OSBPL10: variants seen among roughly 807,000 people sequenced by gnomAD.
OSBPL10 encodes the protein oxysterol binding protein like 10.
Under a neutral mutation model 81.7 loss-of-function variants are expected in OSBPL10, and 49 were observed. The observed-to-expected ratio is 0.60, with a 90% CI of 0.48 to 0.76. The LOEUF (loss-of-function observed/expected upper bound fraction) is 0.76. OSBPL10 is among the 30% of genes least tolerant of loss of function. The pLI, the probability that OSBPL10 is intolerant of heterozygous loss-of-function variation, is 0.00. For synonymous variants in OSBPL10, 419 were observed against 383.6 expected, an observed-to-expected ratio of 1.09 and a Z score of -1.08; for missense variants, 923 against 987.8, an observed-to-expected ratio of 0.93 and a Z score of 0.88.
At chr3:31,883,477 T>C (rs570607034) in intron 1 of OSBPL10, among the ~76,000 whole-genome samples, 2 of 151,920 alleles carry the variant, frequency 1.3e-5, no homozygotes, top group East Asian at 3.9e-4. Flanking sequence ...TGACCTCAGG[T>C]GATCTGCCCA....
intron 3 of OSBPL10, among the ~76,000 whole-genome samples, chr3:31,863,423 C>T (rs994945261): frequency 1.3e-5 from 2 of 152,096 alleles, no homozygotes; most frequent in Non-Finnish European, 1.5e-5. Context: ...AAAAAGTAAA[C>T]TTTATGGTAT....
chr3:31,844,862 C>T (rs1287747581), intron 3 of OSBPL10, among the ~76,000 whole-genome samples: 4 of 152,126 alleles, frequency 2.6e-5, no homozygotes, highest in African/African-American at 9.7e-5. Flanking sequence ...TCACTAGTGG[C>T]TATGAGTTCA....
At chr3:31,933,893 G>A (rs1166007600) in intron 1 of OSBPL10, among the ~76,000 whole-genome samples, 1 of 151,972 alleles carries the variant, frequency 6.6e-6, no homozygotes, top group Non-Finnish European at 1.5e-5. Context: ...TTAATTTTGA[G>A]AGGAAAGAAG....
chr3:31,817,939 T>C (rs1301744051), intron 4 of OSBPL10, among the ~76,000 whole-genome samples: 3 of 152,126 alleles, frequency 2.0e-5, no homozygotes, highest in Non-Finnish European at 4.4e-5. Context: ...ACCATGTCTC[T>C]ACAAAAAATA....
At chr3:31,960,894 A>G (rs927994405) in intron 1 of OSBPL10, among the ~76,000 whole-genome samples, 25 of 152,124 alleles carry the variant, frequency 1.6e-4, no homozygotes, top group Non-Finnish European at 2.9e-5. Context: ...AAAAGGGAAA[A>G]TAGATTACAA....
intron 1 of OSBPL10, among the ~76,000 whole-genome samples, chr3:31,903,439 C>T (rs1696313344): frequency 6.6e-6 from 1 of 151,408 alleles, no homozygotes; most frequent in Admixed American, 6.6e-5. Context: ...AGCAAACCTT[C>T]CACCTCAGAC....
intron 1 of OSBPL10, among the ~76,000 whole-genome samples, chr3:31,898,280 G>C (rs530403351): frequency 2.0e-5 from 3 of 152,118 alleles, no homozygotes; most frequent in Non-Finnish European, 4.4e-5. Context: ...AATTTCAAAT[G>C]CCTCACCACA....
At chr3:31,698,412 T>C (rs542704561) in intron 7 of OSBPL10, among the ~76,000 whole-genome samples, 53 of 152,074 alleles carry the variant, frequency 3.5e-4, no homozygotes, top group East Asian at 1.2e-3. Context: ...GATGGCACCA[T>C]TGTACTCCAG....
intron 3 of OSBPL10, among the ~76,000 whole-genome samples, chr3:31,835,454 G>A (rs1333380486): frequency 6.6e-6 from 1 of 152,116 alleles, no homozygotes. Flanking sequence ...GGCAAGGGAG[G>A]GAAGGGGGTT....
intron 4 of OSBPL10, among the ~76,000 whole-genome samples, chr3:31,827,246 T>C (rs955190885): frequency 4.0e-5 from 6 of 151,804 alleles, no homozygotes; most frequent in Admixed American, 2.0e-4. Flanking sequence ...TGAAACTCTA[T>C]GGAAAATTTC....
intron 8 of OSBPL10, among the ~76,000 whole-genome samples, chr3:31,681,583 C>T (rs1700643472): frequency 6.6e-6 from 1 of 152,166 alleles, no homozygotes; most frequent in Admixed American, 6.5e-5. Context: ...CAGTTCTCAT[C>T]TTACTGGAGT....
At chr3:31,991,094 T>G in intron 2 of OSBPL10, 3 of 1,006,476 alleles carry the variant, frequency 3.0e-6, no homozygotes, top group Non-Finnish European at 1.5e-6. Context: ...AGCATTGACT[T>G]GAGTTTCAGT....
chr3:31,955,325 G>A (rs1697978903), intron 1 of OSBPL10, among the ~76,000 whole-genome samples: 1 of 152,176 alleles, frequency 6.6e-6, no homozygotes, highest in Non-Finnish European at 1.5e-5. Flanking sequence ...TTATAGATAA[G>A]CAAACTGAAA....
chr3:31,763,374 AG>A (rs1698111396), intron 4 of OSBPL10, among the ~76,000 whole-genome samples: 1 of 152,214 alleles, frequency 6.6e-6, no homozygotes. Flanking sequence ...TTACAAACTA[AG>A]GGTCAACAAG....
chr3:31,930,645 A>G (rs919538087), intron 1 of OSBPL10, among the ~76,000 whole-genome samples: 1 of 152,204 alleles, frequency 6.6e-6, no homozygotes, highest in Non-Finnish European at 1.5e-5. Context: ...AAGAGTTAGG[A>G]AGCCTTTTAT....
rs113230261 is a variant in OSBPL10, at chr3:31,915,831, C to T, written c.282-36001G>A. ...AATCCAGGCCGGGAGTGGTAGCTCACGCCTGTAATCCCAGCACTTTGGGAG... is the reference window on the plus strand; with the variant it reads ...AATCCAGGCCGGGAGTGGTAGCTCATGCCTGTAATCCCAGCACTTTGGGAG... On this transcript the variant is annotated intron_variant, in intron 1 of 11. Transcript: ENST00000396556. Among the ~76,000 whole-genome samples the T allele has an allele frequency of 5.9e-3, 897 of 152,196 alleles. 10 individuals carry two copies. Among genetic ancestry groups the T allele is most frequent in the African/African-American group, 0.016 (680 of 41,512 alleles).
intron 2 of OSBPL10, among the ~76,000 whole-genome samples, chr3:31,999,517 C>T (rs950784422): frequency 6.6e-6 from 1 of 151,916 alleles, no homozygotes. Flanking sequence ...TGCACAACCA[C>T]GCCCACCTAA....
chr3:31,763,576 T>C (rs1378958333), intron 4 of OSBPL10, among the ~76,000 whole-genome samples: 3 of 152,232 alleles, frequency 2.0e-5, no homozygotes, highest in African/African-American at 7.2e-5. Context: ...TTGAGCTTGA[T>C]AGCATATACA....
intron 4 of OSBPL10, among the ~76,000 whole-genome samples, chr3:31,817,076 T>G (rs1699855236): frequency 6.6e-6 from 1 of 152,176 alleles, no homozygotes. Context: ...AGGGCTTTTA[T>G]GGACCTCAGA....
Sources: allele counts gnomAD v4.1 joint callset (sites outside exome capture counted in the v4.1 genomes callset), GRCh38; gene constraint gnomAD v4.1.1; transcripts MANE v1.5; gene names NCBI Gene and HGNC (gene_info 2026-07-23, HGNC 2026-07-21).